Variants in SSU72 observed in about 807,000 individuals in gnomAD.
SSU72 encodes SSU72 homolog, RNA polymerase II CTD phosphatase.
In SSU72, 12 loss-of-function variants were observed where a neutral mutation model predicts 22.7. The observed-to-expected ratio is 0.53, with a 90% CI of 0.34 to 0.86. SSU72 has a LOEUF of 0.86. Ranked by LOEUF, SSU72 falls within the 40% of genes least tolerant of loss-of-function variation. SSU72 has a pLI of 0.02. For missense variants in SSU72, 151 were observed against 249.8 expected (o/e 0.60, Z 2.67); for synonymous variants, 116 against 98.3 (o/e 1.18, Z -1.06).
Position 1,571,686 on chromosome 1 carries a change from G to C in SSU72, c.80+2792C>G, listed in dbSNP as rs118017357. 2.1e-3 allele frequency among the ~76,000 whole-genome samples: 319 copies of C among 152,246 alleles called. 5 individuals carry two copies. The East Asian group carries it at 0.036, about 17-fold the overall frequency. ...GCCAGCAACGGCCACTGGCCACTCT[G>C]AACTAAAAAGGACTTGGTCATCTTC... On this transcript the variant is annotated intron_variant, in intron 1 of 4. Transcript: ENST00000291386.
Position 1,542,258 on chromosome 1 carries a change from A to C in SSU72, c.484-91T>G. On this transcript the variant is annotated intron_variant, in intron 4 of 4. Coordinates refer to ENST00000291386, the MANE Select transcript of SSU72 (RefSeq NM_014188.3). This position sits in a 1 kb window ranked among gnomAD's most constrained non-coding sequence, Gnocchi z 4.4. Reference sequence around the variant, plus strand: ...GATCGCCAGGGAAACGCCAGGCCTGAGCCAGCAGAAACCAGCGCAGCAGGC... The same window carrying C: ...GATCGCCAGGGAAACGCCAGGCCTGCGCCAGCAGAAACCAGCGCAGCAGGC... 1 of 1,274,428 alleles carries C rather than the reference A, an allele frequency of 7.8e-7. No homozygotes were observed. The highest frequency in any genetic ancestry group is 1.1e-6 in the Non-Finnish European group (1 of 903,980). 78.9% of individuals were successfully genotyped at this position (1,274,428 alleles called of 1,614,324 possible). A position where few individuals can be genotyped will look rare whatever the true frequency, so the allele number is the denominator to read the frequency against.
At chr1:1,564,941 A>T in intron 1 of SSU72, 25 bp from the exon 2 acceptor site, 1 of 1,571,826 alleles carries the variant, frequency 6.4e-7, no homozygotes, top group Non-Finnish European at 8.6e-7. Flanking sequence ...GAGAGAAAGA[A>T]TCACAGTCAC....
intron 2 of SSU72, among the ~76,000 whole-genome samples, chr1:1,556,203 C>T (rs1215774228): frequency 5.9e-5 from 9 of 152,144 alleles, no homozygotes; most frequent in East Asian, 5.8e-4. Context: ...GAGGCCAAGG[C>T]GGGTGGATCA....
intron 2 of SSU72, chr1:1,564,078 A>G (rs1379242522): frequency 6.3e-6 from 1 of 157,508 alleles, no homozygotes; most frequent in Non-Finnish European, 1.4e-5. Context: ...CTATAACAAA[A>G]TAAGATCCAG....
chr1:1,574,266 C>A (rs1456932364), intron 1 of SSU72, among the ~76,000 whole-genome samples: 1 of 152,026 alleles, frequency 6.6e-6, no homozygotes, highest in African/African-American at 2.4e-5. Context: ...GGACAGCGGG[C>A]GCCTCGTCCC....
intron 2 of SSU72, among the ~76,000 whole-genome samples, chr1:1,557,285 T>C (rs1436628403): frequency 6.6e-6 from 1 of 152,102 alleles, no homozygotes; most frequent in African/African-American, 2.4e-5. Context: ...TGGCAGTGCA[T>C]GCCTATAATC....
chr1:1,546,075 G>A (rs1280166026), intron 2 of SSU72: 1 of 152,236 alleles, frequency 6.6e-6, no homozygotes, highest in Non-Finnish European at 1.5e-5. Context: ...TGGCCTCAGG[G>A]GTTCCCAAGG....
Position 1,564,931 on chromosome 1 carries a change from G to A in SSU72, c.81-15C>T. ...ATCCCCGTTTGCTGAAAGACAAAAG[G>A]AGAGAAAGAATCACAGTCACACTAA... On this transcript the variant is annotated splice_polypyrimidine_tract_variant and intron_variant, in intron 1 of 4. Transcript: ENST00000291386. 2 of 1,580,306 alleles carry A rather than the reference G, an allele frequency of 1.3e-6. No individual in the cohort carries two copies. The highest frequency in any genetic ancestry group is 1.7e-6 in the Non-Finnish European group (2 of 1,164,312).
chr1:1,567,941 A>G (rs921155321), intron 1 of SSU72, among the ~76,000 whole-genome samples: 2 of 145,918 alleles, frequency 1.4e-5, no homozygotes, highest in East Asian at 4.0e-4. Flanking sequence ...CGCACAAAGA[A>G]GCCCAGGATC....
At chr1:1,560,029 G>C (rs1025901444) in intron 2 of SSU72, among the ~76,000 whole-genome samples, 1 of 152,066 alleles carries the variant, frequency 6.6e-6, no homozygotes, top group Non-Finnish European at 1.5e-5. Flanking sequence ...CTAGCGTTTT[G>C]TACTTTTAGT....
intron 2 of SSU72, among the ~76,000 whole-genome samples, chr1:1,559,217 T>C (rs1300650325): frequency 6.6e-6 from 1 of 152,078 alleles, no homozygotes; most frequent in Non-Finnish European, 1.5e-5. Context: ...AACTGGACAG[T>C]GTGGAATGAG....
In SSU72 at chr1:1,544,999, A is replaced by G. The variant is rs1443904125; in HGVS notation, c.228T>C (p.Tyr76=). 1 of 1,613,638 alleles carries G rather than the reference A, an allele frequency of 6.2e-7. No individual in the cohort carries two copies. The highest frequency in any genetic ancestry group is 1.7e-5 in the Admixed American group (1 of 60,014). Reference sequence around the variant, plus strand: ...GCATATGTAAAATCCCATTCTGTGTATAGCTACACATGGGAGTTAAGGAAC... The same window carrying G: ...GCATATGTAAAATCCCATTCTGTGTGTAGCTACACATGGGAGTTAAGGAAC... ...NDLLRKDKEL[Y]TQNGILHMLD... Residue 76 remains tyrosine (Y), a synonymous_variant, in exon 3 of 5, where the codon TAT becomes TAC. Transcript: ENST00000291386.
Position 1,554,109 on chromosome 1 carries a change from G to C in SSU72, c.225-9107C>G, listed in dbSNP as rs1642487990. Among the ~76,000 whole-genome samples the C allele has an allele frequency of 6.6e-6, 1 of 152,238 alleles. No homozygotes were observed. The highest frequency in any genetic ancestry group is 1.5e-5 in the Non-Finnish European group (1 of 68,046). ...GGAGGAAGTGCAGCTCCAGGGAGTG[G>C]AGCGGTTGTGAGATTCACCATCAGC... On this transcript the variant is annotated intron_variant, in intron 2 of 4. Coordinates refer to ENST00000291386, the MANE Select transcript of SSU72 (RefSeq NM_014188.3). The surrounding 1 kb of genome is among the most constrained non-coding windows in gnomAD (Gnocchi z 4.1).
chr1:1,563,290 C>CT (rs972989529), intron 2 of SSU72: 2 of 148,466 alleles, frequency 1.3e-5, no homozygotes, highest in African/African-American at 5.0e-5. Flanking sequence ...TCCCAACACT[C>CT]TGAGAGGCCG....
intron 2 of SSU72, among the ~76,000 whole-genome samples, chr1:1,546,860 C>CAAAA (rs1169308811): frequency 1.2e-4 from 9 of 75,138 alleles, no homozygotes; most frequent in Non-Finnish European, 1.4e-4. Context: ...ACAACAACAA[C>CAAAA]AAAAAAAAAA....
intron 2 of SSU72, among the ~76,000 whole-genome samples, chr1:1,555,870 A>G (rs577601367): frequency 2.0e-5 from 3 of 152,246 alleles, no homozygotes; most frequent in African/African-American, 4.8e-5. Flanking sequence ...GGGGTGGCTC[A>G]TGGCTGGAGT....
intron 4 of SSU72, among the ~76,000 whole-genome samples, chr1:1,543,415 A>C (rs2100702872): frequency 6.6e-6 from 1 of 152,310 alleles, no homozygotes; most frequent in Non-Finnish European, 1.5e-5. Context: ...TGGGAGAGGG[A>C]CTAAGCCTGT....
chr1:1,545,078 C>T, intron 2 of SSU72, 76 bp from the exon 3 acceptor site: 1 of 1,540,934 alleles, frequency 6.5e-7, no homozygotes, highest in African/African-American at 1.4e-5. Context: ...GTCCTGGACA[C>T]CCAGCCCCTT....
intron 2 of SSU72, chr1:1,561,680 T>G (rs1256280581): frequency 6.6e-6 from 1 of 152,216 alleles, no homozygotes; most frequent in Non-Finnish European, 1.5e-5. Flanking sequence ...CCTGGGGACT[T>G]CACTCCTCTC....
Sources: allele counts gnomAD v4.1 joint callset (sites outside exome capture counted in the v4.1 genomes callset), GRCh38; gene constraint gnomAD v4.1.1; non-coding constraint Gnocchi (gnomAD v3.1); transcripts MANE v1.5; gene names NCBI Gene and HGNC (gene_info 2026-07-23, HGNC 2026-07-21).